The following FHIT variants were observed in gnomAD, a reference collection of about 807,000 sequenced individuals.
FHIT encodes fragile histidine triad diadenosine triphosphatase, also known as bis(5'-adenosyl)-triphosphatase.
In FHIT, 19 loss-of-function variants were observed where a neutral mutation model predicts 17.9. That is an observed-to-expected ratio of 1.06 (90% confidence interval 0.74 to 1.56). The LOEUF (loss-of-function observed/expected upper bound fraction) is 1.56, where lower values mean the gene tolerates loss of function less well. Ranked by LOEUF, FHIT falls within the 40% of genes most tolerant of loss-of-function variation. FHIT has a pLI of 0.00. For missense variants in FHIT, 248 were observed against 189.2 expected, an observed-to-expected ratio of 1.31 and a Z score of -1.82; for synonymous variants, 81 against 69.7, an observed-to-expected ratio of 1.16 and a Z score of -0.81.
intron 3 of FHIT, among the ~76,000 whole-genome samples, chr3:60,953,150 C>T (rs1708963896): frequency 6.6e-6 from 1 of 152,080 alleles, no homozygotes; most frequent in African/African-American, 2.4e-5. Context: ...CATAGTTATT[C>T]GTAACCCAAA....
intron 8 of FHIT, among the ~76,000 whole-genome samples, chr3:59,794,750 C>A (rs1462793546): frequency 6.6e-6 from 1 of 152,160 alleles, no homozygotes; most frequent in East Asian, 1.9e-4. Context: ...GAGGTCAGAG[C>A]CATCATAAGC....
chr3:60,019,357 G>T (rs556931893), intron 5 of FHIT, among the ~76,000 whole-genome samples: 1 of 151,662 alleles, frequency 6.6e-6, no homozygotes, highest in African/African-American at 2.4e-5. Context: ...AGGGGCCCAA[G>T]GTATCTTGGC....
intron 5 of FHIT, among the ~76,000 whole-genome samples, chr3:60,312,284 C>T (rs775359865): frequency 6.6e-6 from 1 of 152,074 alleles, no homozygotes; most frequent in African/African-American, 2.4e-5. Context: ...TATAGGCATA[C>T]ACCATCATGC....
At chr3:61,188,738 T>A (rs568947872) in intron 2 of FHIT, among the ~76,000 whole-genome samples, 1 of 152,178 alleles carries the variant, frequency 6.6e-6, no homozygotes, top group South Asian at 2.1e-4. Flanking sequence ...TCCACCATGA[T>A]CAAGTGGGCT....
At chr3:61,023,542 T>A (rs1030868141) in intron 3 of FHIT, among the ~76,000 whole-genome samples, 1 of 152,178 alleles carries the variant, frequency 6.6e-6, no homozygotes, top group African/African-American at 2.4e-5. Context: ...AAGATAATCC[T>A]AAGCAAAAAG....
intron 1 of FHIT, among the ~76,000 whole-genome samples, chr3:61,210,827 T>C (rs115201001): frequency 0.073 from 11,013 of 151,658 alleles, 428 homozygotes; most frequent in Admixed American, 0.096. Flanking sequence ...ACCCACTGTA[T>C]TGCACTCCCC....
At chr3:60,692,897 A>C (rs2107889597) in intron 4 of FHIT, among the ~76,000 whole-genome samples, 1 of 152,316 alleles carries the variant, frequency 6.6e-6, no homozygotes, top group Middle Eastern at 3.4e-3. Context: ...CACTTTTCTG[A>C]TTAGCGTTTG....
At chr3:60,999,500 T>C (rs2030916364) in intron 3 of FHIT, among the ~76,000 whole-genome samples, 1 of 150,384 alleles carries the variant, frequency 6.6e-6, no homozygotes, top group South Asian at 2.1e-4. Context: ...CATCATAACA[T>C]TTTTTAAAAA....
intron 4 of FHIT, among the ~76,000 whole-genome samples, chr3:60,560,838 C>G (rs879683863): frequency 2.8e-4 from 33 of 118,954 alleles, no homozygotes; most frequent in South Asian, 2.0e-3. Flanking sequence ...CACACACACA[C>G]ACACACAGAG....
chr3:61,207,794 AG>A (rs1349279362), intron 1 of FHIT, among the ~76,000 whole-genome samples: 1 of 152,116 alleles, frequency 6.6e-6, no homozygotes, highest in Non-Finnish European at 1.5e-5. Context: ...AATTTTTTGA[AG>A]GGTTTTTTGT....
chr3:60,380,082 G>C (rs1347451566), intron 5 of FHIT, among the ~76,000 whole-genome samples: 4 of 152,192 alleles, frequency 2.6e-5, no homozygotes, highest in African/African-American at 9.7e-5. Context: ...TAAAAGGTAA[G>C]TGCTGATATA....
intron 7 of FHIT, among the ~76,000 whole-genome samples, chr3:59,966,155 C>T (rs1009453619): frequency 3.0e-4 from 46 of 152,186 alleles, no homozygotes; most frequent in African/African-American, 1.1e-3. Flanking sequence ...TCTAACAAAG[C>T]AGAGGTATTC....
intron 5 of FHIT, among the ~76,000 whole-genome samples, chr3:60,109,781 T>C (rs1704591374): frequency 6.6e-6 from 1 of 152,168 alleles, no homozygotes; most frequent in East Asian, 1.9e-4. Context: ...AAATCTGACC[T>C]TTCTGCAGGT....
chr3:61,116,087 A>G (rs17064482), intron 2 of FHIT, among the ~76,000 whole-genome samples: 17,779 of 152,106 alleles, frequency 0.12, 1,079 homozygotes, highest in African/African-American at 0.15. Flanking sequence ...AACAACATTT[A>G]CAACAGGTAA....
chr3:60,435,691 AG>A (rs780194782), intron 5 of FHIT, among the ~76,000 whole-genome samples: 6 of 152,086 alleles, frequency 3.9e-5, no homozygotes, highest in Non-Finnish European at 7.4e-5. Flanking sequence ...GTACATGTGC[AG>A]GTTTCTTACA....
chr3:60,352,005 T>C (rs1351700381), intron 5 of FHIT, among the ~76,000 whole-genome samples: 2 of 152,174 alleles, frequency 1.3e-5, no homozygotes, highest in African/African-American at 4.8e-5. Flanking sequence ...TTGCCCTGTA[T>C]CGTAATTAGC....
At chr3:60,222,940 C>T (rs776641526) in intron 5 of FHIT, among the ~76,000 whole-genome samples, 2 of 152,178 alleles carry the variant, frequency 1.3e-5, no homozygotes, top group Non-Finnish European at 2.9e-5. Context: ...ATTACTTTTG[C>T]ACCAGCCTAA....
chr3:60,007,488 TATC>T (rs1252888853), intron 7 of FHIT, among the ~76,000 whole-genome samples: 4 of 152,180 alleles, frequency 2.6e-5, no homozygotes, highest in Non-Finnish European at 5.9e-5. Flanking sequence ...AAAGTTCCAT[TATC>T]ATCATCATTC....
At chr3:59,925,615 G>A (rs1559736563) in intron 7 of FHIT, among the ~76,000 whole-genome samples, 1 of 152,038 alleles carries the variant, frequency 6.6e-6, no homozygotes, top group Non-Finnish European at 1.5e-5. Context: ...ATCTCTATAG[G>A]CTGTGTTACC....
Sources: allele counts gnomAD v4.1 joint callset (sites outside exome capture counted in the v4.1 genomes callset), GRCh38; gene constraint gnomAD v4.1.1; transcripts MANE v1.5; gene names NCBI Gene and HGNC (gene_info 2026-07-23, HGNC 2026-07-21).